Variants in PRRC2A observed in about 807,000 individuals in gnomAD.
PRRC2A encodes the protein proline rich coiled-coil 2A.
Under a neutral mutation model 224.6 loss-of-function variants are expected in PRRC2A, and 59 were observed. The ratio of observed to expected loss-of-function variants is 0.26; its 90% CI spans 0.21 to 0.33. The LOEUF (loss-of-function observed/expected upper bound fraction) is 0.33. Among genes scored for constraint, PRRC2A ranks in the 10% least tolerant of loss-of-function variants. The probability of loss-of-function intolerance (pLI) is 1.00; values close to 1 mark genes in which losing one functional copy is unlikely to be tolerated. For missense variants in PRRC2A, 3,095 were observed against 2,880.7 expected (o/e 1.07, Z -1.70); for synonymous variants, 1,194 against 1,109.5 (o/e 1.08, Z -1.51).
rs1426757464 is a variant in PRRC2A, at chr6:31,629,437, A to G, written c.1956+103A>G. ...TCTGGGTCCCTTTGCTTCTTTGTCC[A>G]GTTGTCTCCATTGTCACGCCAATTT... is the stretch of plus-strand genomic sequence containing the variant. On this transcript the variant is annotated intron_variant, in intron 13 of 30. Transcript: ENST00000376033. 2.7e-6 allele frequency: 4 copies of G among 1,469,702 alleles called. No homozygotes were observed. The South Asian group carries it at 3.8e-5, about 14-fold the overall frequency. 91.0% of individuals were successfully genotyped at this position (1,469,702 alleles called of 1,614,324 possible).
Position 31,637,498 on chromosome 6 carries a change from G to C in PRRC2A, c.6386G>C (p.Gly2129Ala). The C allele has an allele frequency of 6.3e-7, 1 of 1,575,176 alleles. No individual in the cohort carries two copies. The highest frequency in any genetic ancestry group is 8.6e-7 in the Non-Finnish European group (1 of 1,161,076). Residue 2129 changes from glycine (G) to alanine (A), a missense_variant, in exon 31 of 31, where the codon GGG (glycine) becomes GCG (alanine). By Grantham distance (60) the Gly-to-Ala change is moderately conservative (BLOSUM62 0). Transcript: ENST00000376033. ...RWIPKPWERT[G>A]PPPREGPSRR... ...ATACCTAAGCCTTGGGAGCGGACAG[G>C]GCCGCCACCTCGAGAAGGGCCCTCC...
chr6:31,630,873 G>T, intron 15 of PRRC2A, 72 bp downstream of exon 15: 2 of 1,541,658 alleles, frequency 1.3e-6, no homozygotes, highest in Admixed American at 1.9e-5. Context: ...GGTACTTTGG[G>T]TTAGTGGTAG....
rs759299209 is a variant in PRRC2A at position 31,637,534 on chromosome 6, A to G, written c.6422A>G (p.Glu2141Gly). 36 of 1,592,038 alleles carry G rather than the reference A, an allele frequency of 2.3e-5. 1 individual carries two copies. The South Asian group carries it at 4.0e-4, about 17-fold the overall frequency. Residue 2141 changes from glutamate to glycine, a missense_variant, in exon 31 of 31, where the codon GAG becomes GGG. Transcript: ENST00000376033. Reference sequence around the variant, plus strand: ...CGAGAAGGGCCCTCCCGACGGGCAGAGGAGCCTGGGTCCCGAGGGGACAAG... The same window carrying G: ...CGAGAAGGGCCCTCCCGACGGGCAGGGGAGCCTGGGTCCCGAGGGGACAAG... Reference protein sequence around the residue: ...PPREGPSRRAEEPGSRGDKEP... With the variant: ...PPREGPSRRAGEPGSRGDKEP...
In PRRC2A at chr6:31,632,506, C is replaced by T. The variant is rs1040503060; in HGVS notation, c.3833C>T (p.Thr1278Ile). 11 of 1,608,554 alleles carry T rather than the reference C, an allele frequency of 6.8e-6. No homozygotes were observed. Among genetic ancestry groups the T allele is most frequent in the Non-Finnish European group, 9.3e-6 (11 of 1,177,200 alleles). The part of the protein sequence containing the change: ...ARGSEGKPSL[T>I]LPASAPGPEE... ...GGGTCTGAGGGCAAGCCCTCCCTAA[C>T]CCTTCCAGCCTCCGCTCCTGGACCT... Residue 1278 changes from threonine to isoleucine, a missense_variant, in exon 16 of 31, where the codon ACC becomes ATC. Around this residue, in one of 8 missense-constraint regions of PRRC2A, gnomAD observed 2,001 missense variants for 1,764.9 expected, o/e 1.13. Transcript: ENST00000376033.
chr6:31,626,092 C>G lies in PRRC2A; in HGVS notation c.912C>G (p.Pro304=), dbSNP rs779731179. ...PMRLVEPVGR[P]SILKEDNLKE... ...GCTTAGTAGAGCCTGTGGGTCGTCC[C>G]TCTATTCTCAAAGAGGATAATCTCA... Residue 304 remains proline, a synonymous_variant, in exon 9 of 31, where the codon CCC becomes CCG. Coordinates refer to ENST00000376033, the MANE Select transcript of PRRC2A (RefSeq NM_004638.4). 1 of 1,612,860 alleles carries G rather than the reference C, an allele frequency of 6.2e-7. No individual in the cohort carries two copies. The highest frequency in any genetic ancestry group is 1.3e-5 in the African/African-American group (1 of 74,924).
chr6:31,629,469 G>T, intron 13 of PRRC2A, 79 bp from the exon 14 acceptor site: 1 of 1,428,526 alleles, frequency 7.0e-7, no homozygotes, highest in Non-Finnish European at 9.8e-7. Flanking sequence ...ATTTCCCCTA[G>T]TCCAAGTTTT....
intron 22 of PRRC2A, 47 bp downstream of exon 22, chr6:31,635,319 G>A: frequency 6.2e-7 from 1 of 1,613,764 alleles, no homozygotes; most frequent in Non-Finnish European, 8.5e-7. Context: ...TGGAGAGAAG[G>A]GAAGGACTAA....
At chr6:31,629,101 T>C (rs1234236094) in intron 12 of PRRC2A, 43 bp from the exon 13 acceptor site, 2 of 1,593,668 alleles carry the variant, frequency 1.3e-6, no homozygotes, top group Non-Finnish European at 1.7e-6. Context: ...ATGGAGTGTC[T>C]ATTGTTGGAC....
chr6:31,627,702 AAG>A lies in PRRC2A; in HGVS notation c.1291-59_1291-58del. The A allele has an allele frequency of 1.9e-6, 3 of 1,569,350 alleles. No individual in the cohort carries two copies. Among genetic ancestry groups the A allele is most frequent in the South Asian group, 1.2e-5 (1 of 86,808 alleles). On this transcript the variant is annotated intron_variant, in intron 11 of 30. Transcript: ENST00000376033. This position sits in a 1 kb window ranked among gnomAD's most constrained non-coding sequence, Gnocchi z 5.6. ...AGTAGCGACAGTTGATTTGTTGTAA[AAG>A]AGATGATAGAAAGCATAGTAACTGA...
At position 31,632,687 on chromosome 6, in the gene PRRC2A, A is replaced by G. The variant is rs1252022691; in HGVS notation, c.4014A>G (p.Lys1338=). The G allele has an allele frequency of 3.1e-6, 5 of 1,612,996 alleles. No individual in the cohort carries two copies. Among genetic ancestry groups the G allele is most frequent in the Non-Finnish European group, 4.2e-6 (5 of 1,180,038 alleles). The change falls in exon 16 of 31, where the codon AAA becomes AAG. Residue 1338 remains lysine (K), a synonymous_variant. Transcript: ENST00000376033. ...TCACCAGTGAGCGCCGAGGGGACAA[A>G]GAGGCACCCCCACCAGTACTGCTGA... is the stretch of plus-strand genomic sequence containing the variant. ...SDFTSERRGD[K]EAPPPVLLTP...
In PRRC2A at chr6:31,631,019, C is replaced by G; in HGVS notation, c.2466-120C>G. 3 of 1,275,998 alleles carry G rather than the reference C, an allele frequency of 2.4e-6. No individual in the cohort carries two copies. The highest frequency in any genetic ancestry group is 3.2e-6 in the Non-Finnish European group (3 of 929,318). The allele number at this position is 1,275,998 out of a possible 1,614,324, so 79.0% of individuals were successfully genotyped here. ...TAGCCTCGGCAACTGGATGCCATCT[C>G]TGCCAAAACAAACAGAAAAATAGTA... is the stretch of plus-strand genomic sequence containing the variant. On this transcript the variant is annotated intron_variant, in intron 15 of 30. Coordinates refer to ENST00000376033, the MANE Select transcript of PRRC2A (RefSeq NM_004638.4). The surrounding 1 kb of genome is among the most constrained non-coding windows in gnomAD (Gnocchi z 4.5).
Position 31,631,372 on chromosome 6 carries a change from G to T in PRRC2A, c.2699G>T (p.Arg900Leu). Residue 900 changes from arginine to leucine, a missense_variant, in exon 16 of 31, where the codon CGA becomes CTA. Around this residue, in one of 8 missense-constraint regions of PRRC2A, gnomAD observed 2,001 missense variants for 1,764.9 expected, o/e 1.13. Transcript: ENST00000376033. The surrounding 1 kb of genome is among the most constrained non-coding windows in gnomAD (Gnocchi z 4.5). ...TAQLTGPEAGRKPARGVGSGG... is the reference protein window; with the variant it reads ...TAQLTGPEAGLKPARGVGSGG... Reference sequence around the variant, plus strand: ...CAGCTGACGGGGCCAGAAGCAGGCCGAAAGCCTGCCCGCGGAGTCGGGAGT... The same window carrying T: ...CAGCTGACGGGGCCAGAAGCAGGCCTAAAGCCTGCCCGCGGAGTCGGGAGT... The T allele has an allele frequency of 6.2e-7, 1 of 1,604,440 alleles. No homozygotes were observed. The highest frequency in any genetic ancestry group is 8.5e-7 in the Non-Finnish European group (1 of 1,176,536).
intron 5 of PRRC2A, chr6:31,624,804 T>TA: frequency 1.5e-5 from 3 of 202,014 alleles, no homozygotes; most frequent in Non-Finnish European, 1.9e-5. Flanking sequence ...AGCCTTCCAC[T>TA]TTTTTTTTTT....
rs141112722 is a variant in PRRC2A, at chr6:31,632,206, C to T, written c.3533C>T (p.Pro1178Leu). The T allele has an allele frequency of 7.6e-5, 122 of 1,602,608 alleles. No homozygotes were observed. The African/African-American group carries it at 1.2e-3, about 16-fold the overall frequency. Reference sequence around the variant, plus strand: ...CGGGGCCGAGGAGGAGGGAGGCCCCCTCCTCAAGTTTGCCCAGGCTGGAGC... The same window carrying T: ...CGGGGCCGAGGAGGAGGGAGGCCCCTTCCTCAAGTTTGCCCAGGCTGGAGC... ...SRRGRGGGRP[P>L]PQVCPGWSPP... The change falls in exon 16 of 31, where the codon CCT becomes CTT. Residue 1178 changes from proline to leucine, a missense_variant. Coordinates refer to ENST00000376033, the MANE Select transcript of PRRC2A (RefSeq NM_004638.4).
rs748922765 is a variant in PRRC2A, at chr6:31,633,593, C to A, written c.4534C>A (p.Pro1512Thr). The stretch of plus-strand genomic sequence containing the variant: ...TCCCCAAGCCCCTCAGGGCCCCTCT[C>A]CTAGGCCCCCAACCCGATACGAGCC... ...GLPQAPQGPS[P>T]RPPTRYEPQR... The change falls in exon 17 of 31, where the codon CCT (proline) becomes ACT (threonine). Residue 1512 changes from proline (P) to threonine (T), a missense_variant. Physicochemically the swap from Pro to Thr is conservative, Grantham distance 38. This residue lies in a region of PRRC2A where 2,001 missense variants were observed against 1,764.9 expected (regional missense o/e 1.13). Transcript: ENST00000376033. The A allele has an allele frequency of 4.2e-5, 67 of 1,612,826 alleles. No homozygotes were observed. Among genetic ancestry groups the A allele is most frequent in the East Asian group, 3.8e-4 (17 of 44,900 alleles).
At position 31,635,766 on chromosome 6, in the gene PRRC2A, A is replaced by G. The variant is rs1167296210; in HGVS notation, c.5541+17A>G. On this transcript the variant is annotated intron_variant, in intron 24 of 30. Transcript: ENST00000376033. Reference sequence around the variant, plus strand: ...AGTTCTCAGGTAGGCCCCGCTTCCCATTGCATGACCCCTTCAGTGAATAAT... The same window carrying G: ...AGTTCTCAGGTAGGCCCCGCTTCCCGTTGCATGACCCCTTCAGTGAATAAT... 1 of 1,567,448 alleles carries G rather than the reference A, an allele frequency of 6.4e-7. No homozygotes were observed. The highest frequency in any genetic ancestry group is 8.6e-7 in the Non-Finnish European group (1 of 1,158,520).
chr6:31,626,807 A>T lies in PRRC2A; in HGVS notation c.1018A>T (p.Lys340Ter). ...AGAGGTTGACTACACTGAAAAGCTCAAGTTCAGCGATGAGGAAGATGGGCG... is the reference window on the plus strand; with the variant it reads ...AGAGGTTGACTACACTGAAAAGCTCTAGTTCAGCGATGAGGAAGATGGGCG... ...HEEVDYTEKL[K>*]FSDEEDGRDS... The change falls in exon 10 of 31, where the codon AAG becomes TAG. Residue 340 changes from lysine (K) to a stop codon, truncating the protein, a stop_gained. Transcript: ENST00000376033. LOFTEE classifies it high-confidence loss of function. The T allele has an allele frequency of 6.3e-7, 1 of 1,594,714 alleles. No individual in the cohort carries two copies. Among genetic ancestry groups the T allele is most frequent in the Non-Finnish European group, 8.5e-7 (1 of 1,170,888 alleles).
Position 31,627,289 on chromosome 6 carries a change from G to A in PRRC2A, c.1290+91G>A. On this transcript the variant is annotated intron_variant, in intron 11 of 30. Transcript: ENST00000376033. This position sits in a 1 kb window ranked among gnomAD's most constrained non-coding sequence, Gnocchi z 5.6. ...AAGCGGTTGTGATATAGAGGAAGGG[G>A]GGTGCTAAAAATGGGCTGTGTGAAG... 1.0e-6 allele frequency: 1 copy of A among 972,056 alleles called. No homozygotes were observed. Among genetic ancestry groups the A allele is most frequent in the Admixed American group, 2.7e-5 (1 of 37,046 alleles). The allele number at this position is 972,056 out of a possible 1,614,324, so 60.2% of individuals were successfully genotyped here.
Position 31,636,461 on chromosome 6 carries a change from G to T in PRRC2A, c.5835+42G>T, listed in dbSNP as rs767404697. ...TATTAGATATTGGGGGATAGGGTAG[G>T]GAGAATGATTTTGTGGGGGTTGATA... On this transcript the variant is annotated intron_variant, in intron 26 of 30. Transcript: ENST00000376033. The surrounding 1 kb of genome is among the most constrained non-coding windows in gnomAD (Gnocchi z 4.3). The T allele has an allele frequency of 3.7e-6, 6 of 1,610,330 alleles. No individual in the cohort carries two copies. In the African/African-American group the frequency reaches 6.7e-5, roughly 18 times the overall value.
Sources: allele counts gnomAD v4.1 joint callset, GRCh38; gene constraint gnomAD v4.1.1; regional missense constraint gnomAD v4.1.1; non-coding constraint Gnocchi (gnomAD v3.1); transcripts MANE v1.5; gene names NCBI Gene and HGNC (gene_info 2026-07-23, HGNC 2026-07-21).